SPECC1: variants seen among roughly 807,000 people sequenced by gnomAD.
The protein encoded by SPECC1 is cytospin-B.
In SPECC1, 62 loss-of-function variants were observed where a neutral mutation model predicts 104.1. That is an observed-to-expected ratio of 0.60 (90% CI 0.49 to 0.74). The LOEUF is 0.74. Ranked by LOEUF, SPECC1 falls within the 30% of genes least tolerant of loss-of-function variation. SPECC1 has a pLI of 0.00. For synonymous variants in SPECC1, 513 were observed against 501.6 expected, an observed-to-expected ratio of 1.02 and a Z score of -0.30; for missense variants, 1,306 against 1,310.5, an observed-to-expected ratio of 1.00 and a Z score of 0.05.
intron 9 of SPECC1, among the ~76,000 whole-genome samples, chr17:20,252,536 G>A (rs2039671390): frequency 6.6e-6 from 1 of 152,050 alleles, no homozygotes; most frequent in South Asian, 2.1e-4. Context: ...CCTCCCTGAG[G>A]CCTCTGGGAG....
intron 3 of SPECC1, among the ~76,000 whole-genome samples, chr17:20,155,109 T>TATAGGAAAGAGGTCTGTTGGCTG (rs1257052693): frequency 4.6e-5 from 7 of 151,992 alleles, no homozygotes; most frequent in Admixed American, 4.6e-4. Context: ...CAAGAGAGTA[T>TATAGGAAAGAGGTCTGTTGGCTG]ATAGGAAAGA....
chr17:20,247,414 G>T, intron 9 of SPECC1, 95 bp downstream of exon 9: 1 of 781,668 alleles, frequency 1.3e-6, no homozygotes, highest in Non-Finnish European at 2.1e-6. Flanking sequence ...GTGTGTATGT[G>T]TGTGTGTAGA....
At chr17:20,187,921 G>A (rs973237753) in intron 3 of SPECC1, among the ~76,000 whole-genome samples, 3 of 152,212 alleles carry the variant, frequency 2.0e-5, no homozygotes, top group Non-Finnish European at 4.4e-5. Context: ...CAGATGTCAC[G>A]TGGAAGAGGC....
At chr17:20,203,135 C>G (rs1234399920) in intron 3 of SPECC1, among the ~76,000 whole-genome samples, 1 of 152,084 alleles carries the variant, frequency 6.6e-6, no homozygotes, top group Non-Finnish European at 1.5e-5. Flanking sequence ...TGGGAACATT[C>G]CCTCCCGTGC....
chr17:20,230,790 A>G (rs1039270590), intron 5 of SPECC1, among the ~76,000 whole-genome samples: 6 of 152,222 alleles, frequency 3.9e-5, no homozygotes, highest in African/African-American at 1.4e-4. Flanking sequence ...AGCCTAGACC[A>G]ATCACTTCTT....
At chr17:20,017,715 G>A (rs1696069967) in intron 1 of SPECC1, 1 of 152,122 alleles carries the variant, frequency 6.6e-6, no homozygotes, top group Non-Finnish European at 1.5e-5. Context: ...ACAAATAGTA[G>A]CATTATTCTC....
intron 12 of SPECC1, among the ~76,000 whole-genome samples, chr17:20,288,574 C>G (rs914519597): frequency 2.0e-5 from 3 of 152,122 alleles, no homozygotes; most frequent in African/African-American, 7.2e-5. Context: ...ATTAAAAAGT[C>G]AAGAAACAAC....
chr17:20,246,323 C>T (rs1039876354), intron 8 of SPECC1, among the ~76,000 whole-genome samples: 1 of 152,212 alleles, frequency 6.6e-6, no homozygotes, highest in Admixed American at 6.5e-5. Context: ...CCATCCAGTT[C>T]CTGCCTTGCT....
chr17:20,026,234 GA>G (rs1401900728), intron 1 of SPECC1, among the ~76,000 whole-genome samples: 1 of 151,776 alleles, frequency 6.6e-6, no homozygotes, highest in Non-Finnish European at 1.5e-5. Flanking sequence ...ATGAGGTACA[GA>G]GTGATAATTT....
chr17:20,077,595 T>C (rs1255466845), intron 1 of SPECC1, among the ~76,000 whole-genome samples: 4 of 151,992 alleles, frequency 2.6e-5, no homozygotes, highest in Non-Finnish European at 1.5e-5. Context: ...GCCTCTCGAG[T>C]AGTTGGGATT....
chr17:20,051,241 T>A (rs1177647185), intron 1 of SPECC1, among the ~76,000 whole-genome samples: 1 of 151,776 alleles, frequency 6.6e-6, no homozygotes, highest in African/African-American at 2.4e-5. Flanking sequence ...AGTGGTGCAA[T>A]CTTGGCCCAC....
chr17:20,191,015 C>T (rs150385984), intron 3 of SPECC1, among the ~76,000 whole-genome samples: 190 of 152,158 alleles, frequency 1.2e-3, no homozygotes, highest in African/African-American at 4.4e-3. Flanking sequence ...GTAGCTTTTT[C>T]AGACTGCTTC....
At chr17:20,265,768 T>C (rs946919324) in intron 12 of SPECC1, among the ~76,000 whole-genome samples, 3 of 152,232 alleles carry the variant, frequency 2.0e-5, no homozygotes, top group Admixed American at 6.5e-5. Context: ...TTAATTTTTA[T>C]ATGTAGTGAC....
intron 4 of SPECC1, among the ~76,000 whole-genome samples, chr17:20,209,385 G>A (rs184557985): frequency 1.3e-5 from 2 of 152,246 alleles, no homozygotes; most frequent in South Asian, 2.1e-4. Context: ...AATAGATTCC[G>A]TAAATCTATG....
chr17:20,195,560 ATTT>A (rs35368324), intron 3 of SPECC1, among the ~76,000 whole-genome samples: 3 of 140,364 alleles, frequency 2.1e-5, no homozygotes, highest in Non-Finnish European at 3.1e-5. Flanking sequence ...ATAAAACCCA[ATTT>A]TTTTTTTTTT....
At chr17:20,111,811 G>C (rs972084849) in intron 3 of SPECC1, 56 of 829,632 alleles carry the variant, frequency 6.7e-5, no homozygotes, top group Non-Finnish European at 8.3e-5. Context: ...GGACCCAGGG[G>C]GGGGGCAGCG....
chr17:20,227,669 C>T (rs1176085861), intron 5 of SPECC1, 49 bp downstream of exon 5: 1 of 1,547,698 alleles, frequency 6.5e-7, no homozygotes, highest in Non-Finnish European at 8.8e-7. Flanking sequence ...AATCCCAGCA[C>T]TTTGGGAGGC....
intron 12 of SPECC1, among the ~76,000 whole-genome samples, chr17:20,267,030 C>T (rs554356093): frequency 1.3e-5 from 2 of 152,298 alleles, no homozygotes; most frequent in South Asian, 2.1e-4. Flanking sequence ...GAGCTCCGGG[C>T]CAACTGCCTG....
intron 1 of SPECC1, among the ~76,000 whole-genome samples, chr17:20,034,310 G>C (rs2044964351): frequency 6.6e-6 from 1 of 151,984 alleles, no homozygotes; most frequent in South Asian, 2.1e-4. Flanking sequence ...TGTTGGCCAG[G>C]CTGGTCTCGA....
Sources: gnomAD v4.1 joint callset for allele counts (sites outside exome capture counted in the v4.1 genomes callset) on GRCh38, gnomAD v4.1.1 for gene constraint, MANE v1.5 for transcripts, NCBI Gene and HGNC (gene_info 2026-07-23, HGNC 2026-07-21) for gene names.